The following SGTA variants were observed in gnomAD, a reference collection of about 807,000 sequenced individuals.
The protein encoded by SGTA is small glutamine rich tetratricopeptide repeat co-chaperone alpha.
In SGTA, 22 loss-of-function variants were observed where a neutral mutation model predicts 44.3. The observed-to-expected ratio is 0.50, with a 90% confidence interval of 0.36 to 0.71. The LOEUF (loss-of-function observed/expected upper bound fraction) is 0.71, where lower values mean the gene tolerates loss of function less well. Ranked by LOEUF, SGTA falls within the 30% of genes least tolerant of loss-of-function variation. The probability of loss-of-function intolerance (pLI) is 0.00; values close to 1 mark genes in which losing one functional copy is unlikely to be tolerated. For missense variants in SGTA, 341 were observed against 435.9 expected (o/e 0.78, Z 1.94); for synonymous variants, 174 against 177.6 (o/e 0.98, Z 0.16).
In SGTA at chr19:2,772,851, GTGA is replaced by G. The variant is rs1435332838; in HGVS notation, c.-23-3763_-23-3761del. 2.1e-4 allele frequency among the ~76,000 whole-genome samples: 24 copies of G among 115,688 alleles called. 1 individual carries two copies. Among genetic ancestry groups the G allele is most frequent in the African/African-American group, 3.9e-4 (8 of 20,566 alleles). The allele number at this position is 115,688 out of a possible 152,430, so 75.9% of individuals were successfully genotyped here. ...GCAGGGACACCGAGGGCAGAGGTGG[GTGA>G]CGCGGCCACAGGGCAGGGACACCGA... On this transcript the variant is annotated intron_variant, in intron 1 of 11. Transcript: ENST00000221566.
chr19:2,769,806 A>C (rs1164235860), intron 1 of SGTA, among the ~76,000 whole-genome samples: 8 of 13,138 alleles, frequency 6.1e-4, no homozygotes, highest in Admixed American at 1.2e-3. Flanking sequence ...TGGTTCCCCC[A>C]CCTGACACCC....
rs563468675 is a variant in SGTA, at chr19:2,765,639, G to A, written c.293-354C>T. Among the ~76,000 whole-genome samples the A allele has an allele frequency of 9.9e-5, 15 of 152,246 alleles. No homozygotes were observed. In the East Asian group the frequency reaches 2.3e-3, roughly 24 times the overall value. On this transcript the variant is annotated intron_variant, in intron 4 of 11. Transcript: ENST00000221566. This position sits in a 1 kb window ranked among gnomAD's most constrained non-coding sequence, Gnocchi z 5.5. ...CCCGGGGACGGAAACTGTCCCTTTC[G>A]CTATTGCTTTTGGAAAGAGCCCAAG...
At position 2,768,826 on chromosome 19, in the gene SGTA, G is replaced by A. The variant is rs550096824; in HGVS notation, c.100+143C>T. ...ACGGCCGGGGGCTGTGTGGCCCTGG[G>A]CAGACCCCTGCCCTCTCTGGGCTTA... On this transcript the variant is annotated intron_variant, in intron 2 of 11. Coordinates refer to ENST00000221566, the MANE Select transcript of SGTA (RefSeq NM_003021.4). The A allele has an allele frequency of 1.7e-5, 11 of 650,210 alleles. 1 individual carries two copies. The highest frequency in any genetic ancestry group is 1.6e-4 in the South Asian group (9 of 54,842). The allele number at this position is 650,210 out of a possible 1,614,324, so 40.3% of individuals were successfully genotyped here. A position where few individuals can be genotyped will look rare whatever the true frequency, so the allele number is the denominator to read the frequency against.
intron 9 of SGTA, among the ~76,000 whole-genome samples, chr19:2,758,589 C>T (rs1914896236): frequency 1.3e-5 from 2 of 152,094 alleles, no homozygotes; most frequent in South Asian, 2.1e-4. Flanking sequence ...GTGCGCACAG[C>T]GCTTACTGGG....
At chr19:2,776,821 A>G (rs939767910) in intron 1 of SGTA, among the ~76,000 whole-genome samples, 4 of 152,032 alleles carry the variant, frequency 2.6e-5, no homozygotes, top group African/African-American at 9.7e-5. Flanking sequence ...AAATTAGCCA[A>G]TCATGGTGGC....
At chr19:2,773,768 G>A (rs1490890565) in intron 1 of SGTA, among the ~76,000 whole-genome samples, 1 of 66,382 alleles carries the variant, frequency 1.5e-5, no homozygotes. Flanking sequence ...GCGGCCACAC[G>A]GCGGGGACAC....
intron 1 of SGTA, among the ~76,000 whole-genome samples, chr19:2,772,661 T>C (rs1393919369): frequency 6.6e-6 from 1 of 152,232 alleles, no homozygotes. Context: ...ATCATACCAG[T>C]GTACGGCGGG....
rs1915177222 is a variant in SGTA, at chr19:2,767,450, C to T, written c.207+130G>A. On this transcript the variant is annotated intron_variant, in intron 3 of 11. Coordinates refer to ENST00000221566, the MANE Select transcript of SGTA (RefSeq NM_003021.4). The surrounding 1 kb of genome is among the most constrained non-coding windows in gnomAD (Gnocchi z 7.3). The stretch of plus-strand genomic sequence containing the variant: ...GGGCCAAGTGCTCCTGCAGCCACGT[C>T]CCCAGCCCAGGAGAGGATGCAGGCA... The T allele has an allele frequency of 1.2e-6, 1 of 839,938 alleles. No individual in the cohort carries two copies. Among genetic ancestry groups the T allele is most frequent in the African/African-American group, 1.7e-5 (1 of 59,404 alleles). The allele number at this position is 839,938 out of a possible 1,614,324, so 52.0% of individuals were successfully genotyped here. A position where few individuals can be genotyped will look rare whatever the true frequency, so the allele number is the denominator to read the frequency against.
intron 1 of SGTA, among the ~76,000 whole-genome samples, chr19:2,769,709 CT>C (rs1303072493): frequency 1.3e-5 from 2 of 152,088 alleles, no homozygotes; most frequent in African/African-American, 4.8e-5. Flanking sequence ...CTTGTTCCCC[CT>C]GGGAGGCCTA....
In SGTA at chr19:2,769,014, G is replaced by A; in HGVS notation, c.55C>T (p.Leu19Phe). 1 of 1,613,990 alleles carries A rather than the reference G, an allele frequency of 6.2e-7. No homozygotes were observed. The highest frequency in any genetic ancestry group is 8.5e-7 in the Non-Finnish European group (1 of 1,179,952). Residue 19 changes from leucine (L) to phenylalanine (F), a missense_variant, in exon 2 of 12, where the codon CTC (leucine) becomes TTC (phenylalanine). Transcript: ENST00000221566. Reference protein sequence around the residue: ...YAIIQFLHDQLRHGGLSSDAQ... With the variant: ...YAIIQFLHDQFRHGGLSSDAQ... ...TCGGACGAGAGGCCCCCGTGCCGGA[G>A]CTGGTCATGCAGGAACTGGATGATG...
At chr19:2,762,671 G>A (rs776068592) in intron 6 of SGTA, 27 bp from the exon 7 acceptor site, 7 of 1,612,342 alleles carry the variant, frequency 4.3e-6, no homozygotes, top group Non-Finnish European at 5.1e-6. Context: ...GGGATGGACT[G>A]TTCCCATCTG....
In SGTA at chr19:2,755,359, C is replaced by T. The variant is rs950007871; in HGVS notation, c.*581G>A. ...CTGAGCCGCGGAGGCGTGGGGTGACCGCAGCCGTCTCTTAGGTGTCTGCCA... is the reference window on the plus strand; with the variant it reads ...CTGAGCCGCGGAGGCGTGGGGTGACTGCAGCCGTCTCTTAGGTGTCTGCCA... On this transcript the variant is annotated 3_prime_UTR_variant, in exon 12 of 12. Transcript: ENST00000221566. This position sits in a 1 kb window ranked among gnomAD's most constrained non-coding sequence, Gnocchi z 5.2. 1.0e-5 allele frequency: 10 copies of T among 981,496 alleles called. No homozygotes were observed. The highest frequency in any genetic ancestry group is 1.2e-5 in the Non-Finnish European group (10 of 824,612). The allele number at this position is 981,496 out of a possible 1,614,324, so 60.8% of individuals were successfully genotyped here.
At chr19:2,779,153 G>A (rs1321190869) in intron 1 of SGTA, among the ~76,000 whole-genome samples, 1 of 152,202 alleles carries the variant, frequency 6.6e-6, no homozygotes, top group African/African-American at 2.4e-5. Flanking sequence ...TAAGTGGGAA[G>A]AAAGGCTGGA....
chr19:2,768,023 G>A (rs570273908), intron 2 of SGTA, among the ~76,000 whole-genome samples: 60 of 152,308 alleles, frequency 3.9e-4, no homozygotes, highest in African/African-American at 1.4e-3. Context: ...GGAGGGCCAC[G>A]TCAGGGGTGA....
rs964038342 is a variant in SGTA at position 2,761,648 on chromosome 19, G to T, written c.637-126C>A. The T allele has an allele frequency of 2.2e-5, 17 of 771,740 alleles. No homozygotes were observed. In the African/African-American group the frequency reaches 2.9e-4, roughly 13 times the overall value. The allele number at this position is 771,740 out of a possible 1,614,324, so 47.8% of individuals were successfully genotyped here. The stretch of plus-strand genomic sequence containing the variant: ...ATTCTATCAACCCTGCGGCCAGAGG[G>T]TGCTTTGAGGCAGGCAGCACGAAGC... On this transcript the variant is annotated intron_variant, in intron 7 of 11. Transcript: ENST00000221566. This position sits in a 1 kb window ranked among gnomAD's most constrained non-coding sequence, Gnocchi z 5.7.
At chr19:2,757,585 G>A in intron 10 of SGTA, 108 bp downstream of exon 10, 2 of 1,453,202 alleles carry the variant, frequency 1.4e-6, no homozygotes, top group South Asian at 1.3e-5. Flanking sequence ...AGGACGCTGG[G>A]CCCTTCGGAG....
At chr19:2,759,999 A>C (rs1156313550) in intron 8 of SGTA, among the ~76,000 whole-genome samples, 1 of 152,066 alleles carries the variant, frequency 6.6e-6, no homozygotes, top group Non-Finnish European at 1.5e-5. Flanking sequence ...AAATAGCACT[A>C]TACTGGGCAC....
intron 1 of SGTA, among the ~76,000 whole-genome samples, chr19:2,775,953 G>A (rs1418250662): frequency 3.3e-5 from 5 of 152,098 alleles, no homozygotes; most frequent in Non-Finnish European, 7.4e-5. Context: ...TGAGTTTTCC[G>A]CCCCCATCTC....
intron 1 of SGTA, chr19:2,770,288 G>A (rs934752353): frequency 6.5e-6 from 1 of 153,132 alleles, no homozygotes; most frequent in African/African-American, 2.4e-5. Context: ...AGGCTGTTCT[G>A]GAATCTGGAG....
Sources: gnomAD v4.1 joint callset for allele counts (sites outside exome capture counted in the v4.1 genomes callset) on GRCh38, gnomAD v4.1.1 for gene constraint, Gnocchi (gnomAD v3.1) non-coding constraint, MANE v1.5 for transcripts, NCBI Gene and HGNC (gene_info 2026-07-23, HGNC 2026-07-21) for gene names.